Variants in ZBTB11 observed in about 807,000 individuals in gnomAD.
ZBTB11 encodes zinc finger and BTB domain containing 11.
A neutral mutation model predicts 113.1 loss-of-function variants in ZBTB11; 68 were observed. The observed-to-expected ratio is 0.60, with a 90% CI of 0.49 to 0.74. The LOEUF (loss-of-function observed/expected upper bound fraction) is 0.74, where lower values mean the gene tolerates loss of function less well. Among genes scored for constraint, ZBTB11 ranks in the 30% least tolerant of loss-of-function variants. The probability of loss-of-function intolerance (pLI) is 0.00; values close to 1 mark genes in which losing one functional copy is unlikely to be tolerated. For missense variants in ZBTB11, 1,104 were observed against 1,279.4 expected, an observed-to-expected ratio of 0.86 and a Z score of 2.09; for synonymous variants, 518 against 452.6, an observed-to-expected ratio of 1.14 and a Z score of -1.83.
chr3:101,657,332 CCT>C (rs1312926987), intron 6 of ZBTB11, among the ~76,000 whole-genome samples: 2 of 151,426 alleles, frequency 1.3e-5, no homozygotes, highest in African/African-American at 4.9e-5. Context: ...ATGGTGAAAC[CCT>C]GTCTCTACTA....
chr3:101,655,733 T>A (rs1373536624), intron 7 of ZBTB11: 1 of 152,304 alleles, frequency 6.6e-6, no homozygotes, highest in East Asian at 1.9e-4. Context: ...CGATCTTGGC[T>A]CACAGCAACC....
At chr3:101,665,988 A>G (rs1459820741) in intron 3 of ZBTB11, among the ~76,000 whole-genome samples, 180 bp from the exon 4 acceptor site, 2 of 152,218 alleles carry the variant, frequency 1.3e-5, no homozygotes, top group Non-Finnish European at 2.9e-5. Flanking sequence ...CATTTGTATG[A>G]GCTAAGTCTC....
chr3:101,671,014 T>C, intron 3 of ZBTB11, 116 bp downstream of exon 3: 1 of 792,778 alleles, frequency 1.3e-6, no homozygotes, highest in Non-Finnish European at 2.0e-6. Flanking sequence ...CTTAGTCTAC[T>C]GTTGTTAGTG....
intron 1 of ZBTB11, among the ~76,000 whole-genome samples, chr3:101,674,781 TA>T (rs55696231): frequency 0.017 from 2,482 of 148,610 alleles, 42 homozygotes; most frequent in Non-Finnish European, 0.025. Context: ...CACTAAAAAT[TA>T]AAAAAAAAAC....
At chr3:101,670,182 C>T (rs1458325511) in intron 3 of ZBTB11, among the ~76,000 whole-genome samples, 1 of 152,004 alleles carries the variant, frequency 6.6e-6, no homozygotes, top group South Asian at 2.1e-4. Context: ...ATGTATCTTC[C>T]CAGAAGAGGT....
intron 7 of ZBTB11, among the ~76,000 whole-genome samples, chr3:101,655,337 C>T (rs927004350): frequency 1.3e-5 from 2 of 152,196 alleles, no homozygotes; most frequent in Admixed American, 6.5e-5. Flanking sequence ...TGACCCTAGT[C>T]ATGTGATACG....
intron 2 of ZBTB11, chr3:101,671,597 C>T: frequency 3.4e-6 from 2 of 582,074 alleles, no homozygotes; most frequent in East Asian, 2.8e-5. Context: ...CCTCTTCTTA[C>T]TAATCAGAAA....
chr3:101,663,236 C>A (rs974646354), intron 5 of ZBTB11, among the ~76,000 whole-genome samples: 10 of 152,160 alleles, frequency 6.6e-5, no homozygotes, highest in African/African-American at 2.4e-4. Flanking sequence ...CCGCACCCAG[C>A]CAATTTTTGT....
chr3:101,676,993 G>A lies in ZBTB11; in HGVS notation c.-79C>T. 1 of 1,445,790 alleles carries A rather than the reference G, an allele frequency of 6.9e-7. No homozygotes were observed. The highest frequency in any genetic ancestry group is 9.2e-7 in the Non-Finnish European group (1 of 1,088,482). The allele number at this position is 1,445,790 out of a possible 1,614,324, so 89.6% of individuals were successfully genotyped here. A position where few individuals can be genotyped will look rare whatever the true frequency, so the allele number is the denominator to read the frequency against. ...CCGCTACCTACGGGCGGCTGCAGGA[G>A]GAGCGGCGGCACCGTAGGGAGAAAC... On this transcript the variant is annotated 5_prime_UTR_variant, in exon 1 of 11. Coordinates refer to ENST00000312938, the MANE Select transcript of ZBTB11 (RefSeq NM_014415.4).
chr3:101,674,273 G>A (rs1937127114), intron 1 of ZBTB11, among the ~76,000 whole-genome samples: 1 of 151,988 alleles, frequency 6.6e-6, no homozygotes, highest in African/African-American at 2.4e-5. Context: ...CCGAGATCGC[G>A]CCACTGTGCT....
Position 101,676,948 on chromosome 3 carries a change from G to A in ZBTB11, c.-34C>T. Reference sequence around the variant, plus strand: ...GCGGCTCCCTGAGGGCGCCTGTCAGGGACAGGTGAGGAAAACGGCCCGCTA... The same window carrying A: ...GCGGCTCCCTGAGGGCGCCTGTCAGAGACAGGTGAGGAAAACGGCCCGCTA... On this transcript the variant is annotated 5_prime_UTR_variant, in exon 1 of 11. Transcript: ENST00000312938. 8 of 1,515,648 alleles carry A rather than the reference G, an allele frequency of 5.3e-6. No individual in the cohort carries two copies. Among genetic ancestry groups the A allele is most frequent in the Non-Finnish European group, 7.1e-6 (8 of 1,131,226 alleles). The allele number at this position is 1,515,648 out of a possible 1,614,324, so 93.9% of individuals were successfully genotyped here. A position where few individuals can be genotyped will look rare whatever the true frequency, so the allele number is the denominator to read the frequency against.
At position 101,651,068 on chromosome 3, in the gene ZBTB11, T is replaced by C; in HGVS notation, c.*98A>G. On this transcript the variant is annotated 3_prime_UTR_variant, in exon 11 of 11. Coordinates refer to ENST00000312938, the MANE Select transcript of ZBTB11 (RefSeq NM_014415.4). The stretch of plus-strand genomic sequence containing the variant: ...TACCAAACAGCCCAGAACTTTGATA[T>C]GTAAACTCCAAGCAGACAGTCACAC... 2.9e-6 allele frequency: 4 copies of C among 1,395,976 alleles called. No homozygotes were observed. The highest frequency in any genetic ancestry group is 3.8e-6 in the Non-Finnish European group (4 of 1,044,200). 86.5% of individuals were successfully genotyped at this position (1,395,976 alleles called of 1,614,324 possible). A position where few individuals can be genotyped will look rare whatever the true frequency, so the allele number is the denominator to read the frequency against.
chr3:101,662,510 G>C (rs1473373301), intron 5 of ZBTB11, among the ~76,000 whole-genome samples: 1 of 152,100 alleles, frequency 6.6e-6, no homozygotes, highest in Non-Finnish European at 1.5e-5. Flanking sequence ...TGTAATCCCA[G>C]CTACTCGGGA....
intron 3 of ZBTB11, among the ~76,000 whole-genome samples, chr3:101,667,390 A>G (rs1937014414): frequency 6.6e-6 from 1 of 152,204 alleles, no homozygotes; most frequent in South Asian, 2.1e-4. Context: ...CATATTACAC[A>G]TACTTTTCTG....
chr3:101,671,041 G>T, intron 3 of ZBTB11, 89 bp downstream of exon 3: 3 of 1,089,616 alleles, frequency 2.8e-6, no homozygotes, highest in South Asian at 3.0e-5. Flanking sequence ...TCTTACTTTG[G>T]CATAAAGTCC....
rs759293562 is a variant in ZBTB11 at position 101,651,232 on chromosome 3, T to C, written c.3096A>G (p.Leu1032=). Residue 1032 remains leucine (L), a synonymous_variant, in exon 11 of 11, where the codon CTA becomes CTG. Coordinates refer to ENST00000312938, the MANE Select transcript of ZBTB11 (RefSeq NM_014415.4). The stretch of plus-strand genomic sequence containing the variant: ...TTTGAATAGCTTCTGCAACTTCAGA[T>C]AGCTTCTGTCCTTGCTGTTGTGCTA... ...YVLAQQQGQK[L]SEVAEAIQTV... 98 of 1,612,616 alleles carry C rather than the reference T, an allele frequency of 6.1e-5. No individual in the cohort carries two copies. The highest frequency in any genetic ancestry group is 8.0e-5 in the Non-Finnish European group (94 of 1,179,642).
chr3:101,665,857 A>G (rs745996052), intron 3 of ZBTB11, 49 bp from the exon 4 acceptor site: 1 of 1,480,700 alleles, frequency 6.8e-7, no homozygotes, highest in South Asian at 1.4e-5. Flanking sequence ...TTATCAATGA[A>G]ACAATACAGA....
chr3:101,676,498 G>A (rs1409213568), intron 1 of ZBTB11, 107 bp downstream of exon 1: 3 of 1,201,190 alleles, frequency 2.5e-6, no homozygotes, highest in Non-Finnish European at 1.1e-6. Flanking sequence ...CCGCCGCCCA[G>A]AGGCGTCCGA....
chr3:101,651,058 A>C lies in ZBTB11; in HGVS notation c.*108T>G. 7.5e-7 allele frequency: 1 copy of C among 1,334,898 alleles called. No homozygotes were observed. Among genetic ancestry groups the C allele is most frequent in the Non-Finnish European group, 1.0e-6 (1 of 990,956 alleles). The allele number at this position is 1,334,898 out of a possible 1,614,324, so 82.7% of individuals were successfully genotyped here. On this transcript the variant is annotated 3_prime_UTR_variant, in exon 11 of 11. Transcript: ENST00000312938. ...AACGTTACGTTACCAAACAGCCCAG[A>C]ACTTTGATATGTAAACTCCAAGCAG...
Sources: allele counts gnomAD v4.1 joint callset (sites outside exome capture counted in the v4.1 genomes callset), GRCh38; gene constraint gnomAD v4.1.1; transcripts MANE v1.5; gene names NCBI Gene and HGNC (gene_info 2026-07-23, HGNC 2026-07-21).